CNTNAP5: variants seen among roughly 807,000 people sequenced by gnomAD.
CNTNAP5 encodes the protein contactin-associated protein-like 5.
In CNTNAP5, 72 loss-of-function variants were observed where a neutral mutation model predicts 150.2. That is an observed-to-expected ratio of 0.48 (90% CI 0.40 to 0.58). The LOEUF (loss-of-function observed/expected upper bound fraction) is 0.58. Ranked by LOEUF, CNTNAP5 falls within the 20% of genes least tolerant of loss-of-function variation. CNTNAP5 has a pLI of 0.00. For missense variants in CNTNAP5, 1,636 were observed against 1,626.2 expected, an observed-to-expected ratio of 1.01 and a Z score of -0.10; for synonymous variants, 672 against 619.8, an observed-to-expected ratio of 1.08 and a Z score of -1.25.
chr2:124,845,092 C>CA (rs1479801438), intron 19 of CNTNAP5, among the ~76,000 whole-genome samples: 2 of 152,146 alleles, frequency 1.3e-5, no homozygotes, highest in Non-Finnish European at 1.5e-5. Context: ...TTTCCTCATT[C>CA]ATTATAATAT....
chr2:124,251,297 C>CA (rs1476401459), intron 3 of CNTNAP5, among the ~76,000 whole-genome samples: 1 of 151,708 alleles, frequency 6.6e-6, no homozygotes, highest in Non-Finnish European at 1.5e-5. Flanking sequence ...CCCCCACCCC[C>CA]CCAAGTATTG....
rs368814116 is a variant in CNTNAP5 at position 124,336,534 on chromosome 2, C to A, written c.382-80909C>A. 3.4e-4 allele frequency among the ~76,000 whole-genome samples: 37 copies of A among 108,906 alleles called. 3 individuals are homozygous for A. In the East Asian group the frequency reaches 9.0e-3, roughly 26 times the overall value. The allele number at this position is 108,906 out of a possible 152,430, so 71.4% of individuals were successfully genotyped here. Reference sequence around the variant, plus strand: ...TGCTATCCCTCCCCCCTCCCCCCACCCCACAACAGTCTCCGGTGTGTGATG... The same window carrying A: ...TGCTATCCCTCCCCCCTCCCCCCACACCACAACAGTCTCCGGTGTGTGATG... On this transcript the variant is annotated intron_variant, in intron 3 of 23. Coordinates refer to ENST00000682447, the MANE Select transcript of CNTNAP5 (RefSeq NM_001367498.1).
At chr2:124,336,158 G>GTATCT in intron 3 of CNTNAP5, among the ~76,000 whole-genome samples, 1 of 152,090 alleles carries the variant, frequency 6.6e-6, no homozygotes, top group Non-Finnish European at 1.5e-5. Context: ...AAATGAAATG[G>GTATCT]GACCATAGTA....
rs996936313 is a variant in CNTNAP5, at chr2:124,356,877, G to A, written c.382-60566G>A. 5.9e-5 allele frequency among the ~76,000 whole-genome samples: 9 copies of A among 151,566 alleles called. No individual in the cohort carries two copies. The East Asian group carries it at 9.7e-4, about 16-fold the overall frequency. The stretch of plus-strand genomic sequence containing the variant: ...TCTAGTTCTAGATCCCTGAGGAATC[G>A]CCACACTGACTTCCACAATGGTTGA... On this transcript the variant is annotated intron_variant, in intron 3 of 23. Coordinates refer to ENST00000682447, the MANE Select transcript of CNTNAP5 (RefSeq NM_001367498.1).
chr2:124,317,816 C>A (rs768266374), intron 3 of CNTNAP5, among the ~76,000 whole-genome samples: 3 of 151,960 alleles, frequency 2.0e-5, no homozygotes, highest in Non-Finnish European at 2.9e-5. Flanking sequence ...GTAGGTGCAC[C>A]CTTAAAGTAA....
chr2:124,893,385 A>G (rs1302832703), intron 21 of CNTNAP5, among the ~76,000 whole-genome samples: 2 of 152,174 alleles, frequency 1.3e-5, no homozygotes, highest in Admixed American at 6.5e-5. Flanking sequence ...GCAGGATGGT[A>G]AAACTGACCA....
At chr2:124,698,375 T>TATACACAC (rs374705399) in intron 13 of CNTNAP5, among the ~76,000 whole-genome samples, 2 of 147,326 alleles carry the variant, frequency 1.4e-5, no homozygotes, top group Non-Finnish European at 3.0e-5. Context: ...GACGAGAGGA[T>TATACACAC]ACACACACAC....
intron 3 of CNTNAP5, among the ~76,000 whole-genome samples, chr2:124,300,491 T>C (rs1688547260): frequency 6.6e-6 from 1 of 151,892 alleles, no homozygotes; most frequent in Non-Finnish European, 1.5e-5. Flanking sequence ...GTTCTAGGCA[T>C]GGAGCAGAGA....
intron 1 of CNTNAP5, among the ~76,000 whole-genome samples, chr2:124,161,362 A>T (rs1684674399): frequency 6.6e-6 from 1 of 152,066 alleles, no homozygotes; most frequent in South Asian, 2.1e-4. Flanking sequence ...GAGGGAGATG[A>T]TGGGGTTTGG....
At chr2:124,595,844 A>C (rs1573483988) in intron 11 of CNTNAP5, among the ~76,000 whole-genome samples, 1 of 137,308 alleles carries the variant, frequency 7.3e-6, no homozygotes. Flanking sequence ...CAGAGATTCA[A>C]CTTCTTCCTG....
chr2:124,170,522 T>C (rs570350313), intron 1 of CNTNAP5, among the ~76,000 whole-genome samples: 4 of 152,162 alleles, frequency 2.6e-5, no homozygotes, highest in Non-Finnish European at 5.9e-5. Context: ...TCTGCCATTC[T>C]ATGAAAGGCA....
intron 12 of CNTNAP5, among the ~76,000 whole-genome samples, chr2:124,622,377 G>T (rs1677636451): frequency 6.6e-6 from 1 of 152,058 alleles, no homozygotes; most frequent in East Asian, 1.9e-4. Flanking sequence ...TCATTGGTGG[G>T]CATTTAGGTT....
intron 13 of CNTNAP5, among the ~76,000 whole-genome samples, chr2:124,709,628 T>C (rs7585695): frequency 2.6e-5 from 4 of 152,106 alleles, no homozygotes; most frequent in African/African-American, 7.2e-5. Context: ...TATAAGACTA[T>C]GAATCATAAT....
At position 124,139,151 on chromosome 2, in the gene CNTNAP5, G is replaced by A. The variant is rs894404480; in HGVS notation, c.83-82554G>A. Among the ~76,000 whole-genome samples, 5 of 151,720 alleles carry A rather than the reference G, an allele frequency of 3.3e-5. No homozygotes were observed. In the East Asian group the frequency reaches 5.8e-4, roughly 18 times the overall value. ...TCCCCCATAAGACTATGAGCCACTC[G>A]AAAACAAAGGTCAAGCTTTCTAATC... On this transcript the variant is annotated intron_variant, in intron 1 of 23. Transcript: ENST00000682447.
At chr2:124,907,543 T>C (rs1175139196) in intron 22 of CNTNAP5, among the ~76,000 whole-genome samples, 2 of 148,332 alleles carry the variant, frequency 1.3e-5, no homozygotes, top group Non-Finnish European at 3.0e-5. Flanking sequence ...ATATAGAATA[T>C]ATAAAATATA....
intron 6 of CNTNAP5, among the ~76,000 whole-genome samples, chr2:124,455,873 G>A (rs1693106211): frequency 6.6e-6 from 1 of 152,122 alleles, no homozygotes; most frequent in South Asian, 2.1e-4. Flanking sequence ...ATCCCTTTAT[G>A]ATTAAAACTC....
intron 2 of CNTNAP5, among the ~76,000 whole-genome samples, chr2:124,225,326 A>G (rs1573849697): frequency 6.6e-6 from 1 of 152,184 alleles, no homozygotes; most frequent in East Asian, 1.9e-4. Context: ...AGCAATGGCC[A>G]TGCCCGGCTT....
At chr2:124,504,132 G>A (rs1694342948) in intron 7 of CNTNAP5, among the ~76,000 whole-genome samples, 160 bp from the exon 8 acceptor site, 1 of 152,142 alleles carries the variant, frequency 6.6e-6, no homozygotes, top group Admixed American at 6.5e-5. Flanking sequence ...TCTTGTGAGT[G>A]TGTCTGAGCA....
In CNTNAP5 at chr2:124,884,757, G is replaced by T. The variant is rs1349556470; in HGVS notation, c.3436+14995G>T. ...AAAGTCCCTTTATGTCTCATTTTTTGGTGAGCACCCTTGCCTCATCTATCA... is the reference window on the plus strand; with the variant it reads ...AAAGTCCCTTTATGTCTCATTTTTTTGTGAGCACCCTTGCCTCATCTATCA... On this transcript the variant is annotated intron_variant, in intron 21 of 23. Coordinates refer to ENST00000682447, the MANE Select transcript of CNTNAP5 (RefSeq NM_001367498.1). Among the ~76,000 whole-genome samples the T allele has an allele frequency of 2.0e-5, 3 of 151,866 alleles. No homozygotes were observed. In the South Asian group the frequency reaches 6.2e-4, roughly 31 times the overall value.
Sources: gnomAD v4.1 joint callset for allele counts (sites outside exome capture counted in the v4.1 genomes callset) on GRCh38, gnomAD v4.1.1 for gene constraint, MANE v1.5 for transcripts, NCBI Gene and HGNC (gene_info 2026-07-23, HGNC 2026-07-21) for gene names.